The following BRCA2 variants were observed in gnomAD, a reference collection of about 807,000 sequenced individuals.
The protein encoded by BRCA2 is breast cancer type 2 susceptibility protein.
Under a neutral mutation model 276.7 loss-of-function variants are expected in BRCA2, and 203 were observed. That is an observed-to-expected ratio of 0.73 (90% CI 0.65 to 0.82). The LOEUF (loss-of-function observed/expected upper bound fraction) is 0.82, where lower values mean the gene tolerates loss of function less well. BRCA2 is among the 40% of genes least tolerant of loss of function. BRCA2 has a pLI of 0.00. For synonymous variants in BRCA2, 1,289 were observed against 1,338.4 expected (o/e 0.96, Z 0.81); for missense variants, 3,920 against 3,915.0 (o/e 1.00, Z -0.03).
Position 32,399,762 on chromosome 13 carries a change from G to T in BRCA2, c.*992G>T. 6.5e-6 allele frequency: 1 copy of T among 154,720 alleles called. No individual in the cohort carries two copies. The allele number at this position is 154,720 out of a possible 1,614,324, so 9.6% of individuals were successfully genotyped here. ...AAAGCAGAAGATTAATTCAATTTAA[G>T]ATGATACTCTCATTTGTTACGTCCT... is the stretch of plus-strand genomic sequence containing the variant. On this transcript the variant is annotated 3_prime_UTR_variant, in exon 27 of 27. Transcript: ENST00000380152.
At chr13:32,357,348 G>T (rs2137565068) in intron 15 of BRCA2, among the ~76,000 whole-genome samples, 1 of 152,332 alleles carries the variant, frequency 6.6e-6, no homozygotes, top group African/African-American at 2.4e-5. Context: ...TTGAAAGTAA[G>T]CCAAGCCTGT....
chr13:32,339,070 C>T lies in BRCA2; in HGVS notation c.4715C>T (p.Ala1572Val), dbSNP rs2072511378. The T allele has an allele frequency of 5.0e-6, 8 of 1,613,950 alleles. No individual in the cohort carries two copies. Among genetic ancestry groups the T allele is most frequent in the Non-Finnish European group, 6.8e-6 (8 of 1,179,894 alleles). ...QWAKTLKYRE[A>V]CKDLELACET... is the part of the protein sequence containing the mutation. ...GCAAAGACCCTAAAGTACAGAGAGG[C>T]CTGTAAAGACCTTGAATTAGCATGT... is the stretch of plus-strand genomic sequence containing the variant. Residue 1572 changes from alanine (A) to valine (V), a missense_variant, in exon 11 of 27, where the codon GCC becomes GTC. By Grantham distance (64) the Ala-to-Val change is moderately conservative. This residue lies in a region of BRCA2 where 3,263 missense variants were observed against 3,156.9 expected (regional missense o/e 1.03). Coordinates refer to ENST00000380152, the MANE Select transcript of BRCA2 (RefSeq NM_000059.4).
chr13:32,394,601 A>C, intron 24 of BRCA2, 88 bp from the exon 25 acceptor site: 1 of 1,455,796 alleles, frequency 6.9e-7, no homozygotes, highest in Admixed American at 2.1e-5. Context: ...TACCAAAATA[A>C]ATAGGCATAT....
At position 32,394,865 on chromosome 13, in the gene BRCA2, G is replaced by A. The variant is rs587776476; in HGVS notation, c.9433G>A (p.Val3145Met). ...TACTTTATTTGCTGGAGATTTTTCT[G>A]TGTTTTCTGCTAGTCCAAAAGAGGG... is the stretch of plus-strand genomic sequence containing the variant. ...LLTLFAGDFSVFSASPKEGHF... is the reference protein window; with the variant it reads ...LLTLFAGDFSMFSASPKEGHF... Residue 3145 changes from valine (V) to methionine (M), a missense_variant, in exon 25 of 27, where the codon GTG becomes ATG. Transcript: ENST00000380152. The A allele has an allele frequency of 5.0e-6, 8 of 1,614,010 alleles. No individual in the cohort carries two copies. The highest frequency in any genetic ancestry group is 6.8e-6 in the Non-Finnish European group (8 of 1,179,934).
At position 32,356,485 on chromosome 13, in the gene BRCA2, A is replaced by C. The variant is rs587776469; in HGVS notation, c.7493A>C (p.Lys2498Thr). ...RDIQDMRIKK[K>T]QRQRVFPQPG... ...ATACAGGATATGCGAATTAAGAAGA[A>C]ACAAAGGCAACGCGTCTTTCCACAG... The change falls in exon 15 of 27, where the codon AAA becomes ACA. Residue 2498 changes from lysine (K) to threonine (T), a missense_variant. Transcript: ENST00000380152. 1.2e-6 allele frequency: 2 copies of C among 1,614,236 alleles called. No homozygotes were observed. Among genetic ancestry groups the C allele is most frequent in the Non-Finnish European group, 1.7e-6 (2 of 1,180,018 alleles).
At chr13:32,362,284 C>T (rs1040953887) in intron 16 of BRCA2, among the ~76,000 whole-genome samples, 2 of 152,168 alleles carry the variant, frequency 1.3e-5, no homozygotes, top group Admixed American at 6.5e-5. Flanking sequence ...CCTGCCTCAG[C>T]TTCCCAAAAT....
At position 32,339,084 on chromosome 13, in the gene BRCA2, G is replaced by T. The variant is rs878853586; in HGVS notation, c.4729G>T (p.Glu1577Ter). 2 of 1,614,008 alleles carry T rather than the reference G, an allele frequency of 1.2e-6. No individual in the cohort carries two copies. The highest frequency in any genetic ancestry group is 1.7e-6 in the Non-Finnish European group (2 of 1,179,934). Residue 1577 changes from glutamate to a stop codon, truncating the protein, a stop_gained, in exon 11 of 27, where the codon GAA becomes TAA. Transcript: ENST00000380152. LOFTEE classifies it high-confidence loss of function. ...GTACAGAGAGGCCTGTAAAGACCTT[G>T]AATTAGCATGTGAGACCATTGAGAT... ...LKYREACKDL[E>*]LACETIEITA... is the part of the protein sequence containing the mutation.
At chr13:32,317,391 T>C (rs2072271031) in intron 2 of BRCA2, among the ~76,000 whole-genome samples, 1 of 152,240 alleles carries the variant, frequency 6.6e-6, no homozygotes, top group Non-Finnish European at 1.5e-5. Context: ...GATTCACTTA[T>C]CTGTGTCTAA....
At chr13:32,369,881 A>T (rs1159377069) in intron 18 of BRCA2, among the ~76,000 whole-genome samples, 2 of 152,178 alleles carry the variant, frequency 1.3e-5, no homozygotes, top group African/African-American at 2.4e-5. Context: ...GCCAAAGATT[A>T]ATTGTTAATA....
chr13:32,392,720 G>A (rs190062271), intron 24 of BRCA2, among the ~76,000 whole-genome samples: 4 of 152,020 alleles, frequency 2.6e-5, no homozygotes, highest in East Asian at 1.9e-4. Flanking sequence ...TTGCATAACC[G>A]TAGTACAATT....
At chr13:32,325,548 GTTT>G (rs61508122) in intron 4 of BRCA2, among the ~76,000 whole-genome samples, 1 of 135,996 alleles carries the variant, frequency 7.4e-6, no homozygotes, top group African/African-American at 2.7e-5. Flanking sequence ...TTTTTTTTTT[GTTT>G]TTTTTTTTTT....
At position 32,398,284 on chromosome 13, in the gene BRCA2, A is replaced by G. The variant is rs1363146360; in HGVS notation, c.9771A>G (p.Lys3257=). The part of the protein sequence containing the change: ...QMTSKSCKGE[K]EIDDQKNCKK... ...CTTCAAAGTCTTGTAAAGGGGAGAA[A>G]GAGATTGATGACCAAAAGAACTGCA... is the stretch of plus-strand genomic sequence containing the variant. The change falls in exon 27 of 27, where the codon AAA becomes AAG. Residue 3257 remains lysine, a synonymous_variant. Transcript: ENST00000380152. 1 of 1,614,168 alleles carries G rather than the reference A, an allele frequency of 6.2e-7. No homozygotes were observed. The highest frequency in any genetic ancestry group is 8.5e-7 in the Non-Finnish European group (1 of 1,180,024).
intron 24 of BRCA2, among the ~76,000 whole-genome samples, chr13:32,380,373 G>A (rs2137626572): frequency 6.6e-6 from 1 of 152,086 alleles, no homozygotes; most frequent in Non-Finnish European, 1.5e-5. Flanking sequence ...TAATTTTATA[G>A]AAATTGTCCT....
intron 12 of BRCA2, 89 bp from the exon 13 acceptor site, chr13:32,346,738 A>T: frequency 9.9e-7 from 1 of 1,014,910 alleles, no homozygotes; most frequent in South Asian, 1.5e-5. Context: ...TAAAGCCTAT[A>T]ATTGTCTCAA....
rs80358787 is a variant in BRCA2, at chr13:32,340,004, A to C, written c.5649A>C (p.Lys1883Asn). The C allele has an allele frequency of 2.5e-6, 4 of 1,612,786 alleles. No individual in the cohort carries two copies. The highest frequency in any genetic ancestry group is 3.4e-6 in the Non-Finnish European group (4 of 1,179,604). Residue 1883 changes from lysine (K) to asparagine (N), a missense_variant, in exon 11 of 27, where the codon AAA becomes AAC. Physicochemically the swap from Lys to Asn is moderately conservative, Grantham distance 94. Coordinates refer to ENST00000380152, the MANE Select transcript of BRCA2 (RefSeq NM_000059.4). The stretch of plus-strand genomic sequence containing the variant: ...AGGAAAACAACGAGAATAAATCAAA[A>C]ATTTGCCAAACGAAAATTATGGCAG... ...VIKENNENKSKICQTKIMAGC... is the reference protein window; with the variant it reads ...VIKENNENKSNICQTKIMAGC...
chr13:32,377,064 C>T (rs1420039460), intron 21 of BRCA2, among the ~76,000 whole-genome samples: 1 of 151,986 alleles, frequency 6.6e-6, no homozygotes, highest in African/African-American at 2.4e-5. Flanking sequence ...ATTTTTGTCC[C>T]TCCTGTACTC....
At chr13:32,395,441 T>C (rs960028707) in intron 25 of BRCA2, among the ~76,000 whole-genome samples, 6 of 152,238 alleles carry the variant, frequency 3.9e-5, no homozygotes. Context: ...CTGGTGTTTA[T>C]TGAGTGTTTA....
At chr13:32,356,325 C>T (rs1395912550) in intron 14 of BRCA2, 103 bp from the exon 15 acceptor site, 1 of 1,193,102 alleles carries the variant, frequency 8.4e-7, no homozygotes, top group African/African-American at 1.5e-5. Flanking sequence ...CCGCCTCAGC[C>T]TCCCAAAGTG....
In BRCA2 at chr13:32,329,301, ATACTT is replaced by A. The variant is rs904219028; in HGVS notation, c.632-141_632-137del. The A allele has an allele frequency of 1.4e-4, 88 of 616,632 alleles. No homozygotes were observed. In the African/African-American group the frequency reaches 1.5e-3, roughly 10 times the overall value. 38.2% of individuals were successfully genotyped at this position (616,632 alleles called of 1,614,324 possible). Reference sequence around the variant, plus strand: ...GTGTTGATTGACCTTTCTAATTACTATACTTAAGTACTTGAATCAATTCATTTTGT... The same window carrying A: ...GTGTTGATTGACCTTTCTAATTACTAAAGTACTTGAATCAATTCATTTTGT... On this transcript the variant is annotated intron_variant, in intron 7 of 26. Coordinates refer to ENST00000380152, the MANE Select transcript of BRCA2 (RefSeq NM_000059.4).
Sources: allele counts gnomAD v4.1 joint callset (sites outside exome capture counted in the v4.1 genomes callset), GRCh38; gene constraint gnomAD v4.1.1; regional missense constraint gnomAD v4.1.1; transcripts MANE v1.5; gene names NCBI Gene and HGNC (gene_info 2026-07-23, HGNC 2026-07-21).